The following SCN11A variants were observed in gnomAD, a reference collection of about 807,000 sequenced individuals.
SCN11A encodes the protein sodium channel protein type 11 subunit alpha.
Under a neutral mutation model 162.2 loss-of-function variants are expected in SCN11A, and 122 were observed. That is an observed-to-expected ratio of 0.75 (90% CI 0.65 to 0.87). SCN11A has a LOEUF of 0.87. SCN11A is among the 40% of genes least tolerant of loss of function. SCN11A has a pLI of 0.00. For synonymous variants in SCN11A, 758 were observed against 751.5 expected (o/e 1.01, Z -0.14); for missense variants, 2,015 against 2,181.6 (o/e 0.92, Z 1.52).
chr3:39,001,421 C>T (rs1482579843), intron 2 of SCN11A, among the ~76,000 whole-genome samples: 1 of 152,128 alleles, frequency 6.6e-6, no homozygotes, highest in Non-Finnish European at 1.5e-5. Flanking sequence ...GTTTCTTTTC[C>T]AAGGTTTATG....
intron 7 of SCN11A, among the ~76,000 whole-genome samples, chr3:38,938,540 ATATATATATATTTTTTTTTTTTTTTT>A (rs2066384651): frequency 4.1e-5 from 1 of 24,164 alleles, no homozygotes; most frequent in African/African-American, 2.0e-4. Flanking sequence ...ATATATATAT[ATATATATATATTTTTTTTTTTTTTTT>A]TTTTTTTTTT....
intron 23 of SCN11A, among the ~76,000 whole-genome samples, chr3:38,878,250 T>C (rs533948450): frequency 6.6e-6 from 1 of 152,098 alleles, no homozygotes; most frequent in African/African-American, 2.4e-5. Context: ...GACAACTGTT[T>C]TGATATTTTT....
rs143744330 is a variant in SCN11A, at chr3:38,892,187, C to T, written c.2835+2346G>A. Reference sequence around the variant, plus strand: ...ACCAAGATTTTTATATCTAGTGAGGCTATCTTTCAAAAATGAAGATGAAAT... The same window carrying T: ...ACCAAGATTTTTATATCTAGTGAGGTTATCTTTCAAAAATGAAGATGAAAT... On this transcript the variant is annotated intron_variant, in intron 19 of 29. Transcript: ENST00000302328. Among the ~76,000 whole-genome samples the T allele has an allele frequency of 6.6e-5, 10 of 152,108 alleles. No individual in the cohort carries two copies. The East Asian group carries it at 1.5e-3, about 24-fold the overall frequency.
chr3:38,914,742 T>G (rs1233176520), intron 11 of SCN11A, among the ~76,000 whole-genome samples: 1 of 152,094 alleles, frequency 6.6e-6, no homozygotes, highest in Non-Finnish European at 1.5e-5. Flanking sequence ...TATTGAAATA[T>G]TCATGTGTTT....
intron 1 of SCN11A, among the ~76,000 whole-genome samples, chr3:39,048,912 C>CACCA (rs1395966469): frequency 3.3e-5 from 5 of 152,218 alleles, no homozygotes; most frequent in African/African-American, 1.2e-4. Flanking sequence ...ACTAGGCCAA[C>CACCA]ACCAGTATCA....
At chr3:38,867,187 G>C (rs904334700) in intron 27 of SCN11A, 134 bp downstream of exon 27, 99 of 765,636 alleles carry the variant, frequency 1.3e-4, no homozygotes, top group Non-Finnish European at 1.9e-4. Context: ...AGGCAGACAT[G>C]GGAGGCTCCC....
At position 38,883,225 on chromosome 3, in the gene SCN11A, T is replaced by A. The variant is rs1317656649; in HGVS notation, c.3219+8A>T. On this transcript the variant is annotated splice_region_variant and intron_variant, in intron 22 of 29. Coordinates refer to ENST00000302328, the MANE Select transcript of SCN11A (RefSeq NM_001349253.2). ...GCCCAATGTCTCCACAAGACAATGA[T>A]GATTTACCAGTGCCCCACTGCTCAG... 3 of 1,610,162 alleles carry A rather than the reference T, an allele frequency of 1.9e-6. No individual in the cohort carries two copies. Among genetic ancestry groups the A allele is most frequent in the Non-Finnish European group, 2.5e-6 (3 of 1,177,992 alleles).
intron 11 of SCN11A, among the ~76,000 whole-genome samples, chr3:38,915,795 G>T (rs943588477): frequency 6.6e-6 from 1 of 152,104 alleles, no homozygotes; most frequent in Non-Finnish European, 1.5e-5. Context: ...GGGGTGGAGA[G>T]TTCTGTAGAG....
At chr3:38,863,154 T>C in intron 28 of SCN11A, 41 bp downstream of exon 28, 1 of 1,159,884 alleles carries the variant, frequency 8.6e-7, no homozygotes, top group South Asian at 1.3e-5. Context: ...TCACAGTAAC[T>C]CAACTGTTCT....
At chr3:38,853,184 A>G (rs1194825824) in intron 28 of SCN11A, among the ~76,000 whole-genome samples, 1 of 152,212 alleles carries the variant, frequency 6.6e-6, no homozygotes, top group African/African-American at 2.4e-5. Flanking sequence ...TGCTTGAAAT[A>G]AACTGATAAA....
chr3:38,954,319 G>C (rs190981486), intron 3 of SCN11A, among the ~76,000 whole-genome samples: 50 of 152,304 alleles, frequency 3.3e-4, no homozygotes, highest in Admixed American at 2.5e-3. Flanking sequence ...ATTTAATTCA[G>C]AGCATAAGTC....
chr3:38,996,642 C>T (rs1575352058), intron 2 of SCN11A, among the ~76,000 whole-genome samples: 2 of 152,208 alleles, frequency 1.3e-5, no homozygotes, highest in African/African-American at 4.8e-5. Context: ...ATAATGTTCC[C>T]ATAATACTAC....
chr3:38,890,192 G>A (rs2065476238), intron 19 of SCN11A, among the ~76,000 whole-genome samples: 1 of 152,158 alleles, frequency 6.6e-6, no homozygotes, highest in African/African-American at 2.4e-5. Context: ...CAAAAGCTCT[G>A]GGGGTGGGGA....
chr3:39,004,662 TG>T (rs1203786917), intron 2 of SCN11A, among the ~76,000 whole-genome samples: 2 of 152,172 alleles, frequency 1.3e-5, no homozygotes, highest in Non-Finnish European at 2.9e-5. Context: ...GAGCAGGTAA[TG>T]TTTTTTTTCC....
intron 16 of SCN11A, among the ~76,000 whole-genome samples, chr3:38,903,574 T>G (rs1426359044): frequency 6.6e-6 from 1 of 152,220 alleles, no homozygotes; most frequent in Non-Finnish European, 1.5e-5. Context: ...GTTAACATTT[T>G]CTTGATTATC....
chr3:39,044,411 A>G (rs2032136505), intron 1 of SCN11A, among the ~76,000 whole-genome samples: 1 of 152,216 alleles, frequency 6.6e-6, no homozygotes, highest in African/African-American at 2.4e-5. Flanking sequence ...AAGATAGACC[A>G]TATGTTAGCC....
intron 2 of SCN11A, among the ~76,000 whole-genome samples, chr3:38,962,130 TC>T (rs909660319): frequency 1.7e-4 from 26 of 152,242 alleles, no homozygotes; most frequent in African/African-American, 5.8e-4. Context: ...GGCTGTCCTT[TC>T]CCCACTTTAT....
At chr3:38,896,721 ATATT>A in intron 18 of SCN11A, 120 bp downstream of exon 18, 1 of 863,658 alleles carries the variant, frequency 1.2e-6, no homozygotes, top group Non-Finnish European at 1.6e-6. Flanking sequence ...AATATTTCAA[ATATT>A]TATTTGGCAT....
chr3:38,941,911 T>G (rs57164143), intron 7 of SCN11A, among the ~76,000 whole-genome samples: 41,334 of 152,016 alleles, frequency 0.27, 6,292 homozygotes, highest in African/African-American at 0.41. Context: ...AGAGACTGGA[T>G]TGATAGACTG....
Sources: allele counts gnomAD v4.1 joint callset (sites outside exome capture counted in the v4.1 genomes callset), GRCh38; gene constraint gnomAD v4.1.1; transcripts MANE v1.5; gene names NCBI Gene and HGNC (gene_info 2026-07-23, HGNC 2026-07-21).